The following FYB1 variants were observed in gnomAD, a reference collection of about 807,000 sequenced individuals.
The protein encoded by FYB1 is FYN binding protein 1, also known as FYN-binding protein 1.
In FYB1, 41 loss-of-function variants were observed where a neutral mutation model predicts 94.1. The observed-to-expected ratio is 0.44, with a 90% CI of 0.34 to 0.57. The LOEUF (loss-of-function observed/expected upper bound fraction) is 0.57, where lower values mean the gene tolerates loss of function less well. FYB1 is among the 20% of genes least tolerant of loss of function. The pLI is 0.02. For missense variants in FYB1, 1,050 were observed against 976.8 expected (o/e 1.07, Z -1.00); for synonymous variants, 367 against 353.2 (o/e 1.04, Z -0.44).
intron 2 of FYB1, among the ~76,000 whole-genome samples, chr5:39,183,223 T>C (rs1475237301): frequency 6.6e-6 from 1 of 152,086 alleles, no homozygotes; most frequent in Non-Finnish European, 1.5e-5. Context: ...CAACCTCAGG[T>C]GATCCACCTG....
At position 39,202,653 on chromosome 5, in the gene FYB1, G is replaced by A. The variant is rs375605914; in HGVS notation, c.308C>T (p.Pro103Leu). Reference protein sequence around the residue: ...GTPASLTTRDPEAKVGFLKPV... With the variant: ...GTPASLTTRDLEAKVGFLKPV... ...TTTCAGAAATCCCACTTTCGCCTCG[G>A]GGTCTCTGGTGGTCAAGCTGGCTGG... The change falls in exon 2 of 19, where the codon CCC becomes CTC. Residue 103 changes from proline to leucine, a missense_variant. Coordinates refer to ENST00000512982, the MANE Select transcript of FYB1 (RefSeq NM_001465.6). 5.0e-6 allele frequency: 8 copies of A among 1,613,754 alleles called. No homozygotes were observed. The Admixed American group carries it at 5.0e-5, about 10-fold the overall frequency.
intron 2 of FYB1, among the ~76,000 whole-genome samples, chr5:39,181,992 T>C (rs1363822953): frequency 2.0e-5 from 3 of 152,212 alleles, no homozygotes; most frequent in African/African-American, 4.8e-5. Context: ...CTAGAACTTA[T>C]TCATCTTGTG....
At chr5:39,214,161 T>C (rs1335117223) in intron 1 of FYB1, among the ~76,000 whole-genome samples, 3 of 152,052 alleles carry the variant, frequency 2.0e-5, no homozygotes, top group Non-Finnish European at 4.4e-5. Context: ...GAATTTTCTT[T>C]TAGTTAAAAA....
chr5:39,269,281 C>G (rs2111754529), intron 1 of FYB1, among the ~76,000 whole-genome samples: 1 of 151,304 alleles, frequency 6.6e-6, no homozygotes, highest in East Asian at 2.0e-4. Flanking sequence ...GATCTCCTGA[C>G]CTCGTGATCC....
intron 2 of FYB1, among the ~76,000 whole-genome samples, chr5:39,200,247 T>A (rs543570833): frequency 1.3e-5 from 2 of 152,300 alleles, no homozygotes; most frequent in Admixed American, 1.3e-4. Context: ...AATCAGACCT[T>A]GTCAGGCCTT....
At chr5:39,169,697 T>C in intron 2 of FYB1, 1 of 446,476 alleles carries the variant, frequency 2.2e-6, no homozygotes, top group South Asian at 1.8e-5. Context: ...GTACAAAAAT[T>C]AGCCGGGCCA....
intron 1 of FYB1, chr5:39,270,976 ACT>A (rs1752648985): frequency 5.8e-6 from 1 of 172,670 alleles, no homozygotes; most frequent in Non-Finnish European, 1.2e-5. Flanking sequence ...TCTATGAAAG[ACT>A]CACACCAAAA....
intron 3 of FYB1, among the ~76,000 whole-genome samples, chr5:39,144,469 G>T (rs912618621): frequency 1.3e-5 from 2 of 151,978 alleles, no homozygotes; most frequent in African/African-American, 4.8e-5. Flanking sequence ...AAATTGCAAA[G>T]AATTAAAAAA....
intron 16 of FYB1, among the ~76,000 whole-genome samples, chr5:39,112,147 G>A (rs1235853153): frequency 1.3e-5 from 2 of 151,946 alleles, no homozygotes; most frequent in African/African-American, 4.8e-5. Flanking sequence ...TTTTGTATCA[G>A]GGTTCTCATA....
At chr5:39,248,085 T>G (rs1751564758) in intron 1 of FYB1, among the ~76,000 whole-genome samples, 2 of 152,184 alleles carry the variant, frequency 1.3e-5, no homozygotes, top group East Asian at 1.9e-4. Context: ...GAGAGTCAGG[T>G]GGAAGCACTC....
chr5:39,125,783 C>G (rs1740607776), intron 12 of FYB1, among the ~76,000 whole-genome samples: 1 of 152,068 alleles, frequency 6.6e-6, no homozygotes, highest in South Asian at 2.1e-4. Flanking sequence ...TATCTTTGAA[C>G]TATATGATGA....
intron 1 of FYB1, among the ~76,000 whole-genome samples, chr5:39,218,676 G>C (rs1486624135): frequency 2.0e-5 from 3 of 152,148 alleles, no homozygotes; most frequent in African/African-American, 7.2e-5. Context: ...AGGTTAAGTG[G>C]CTCTCCCAAA....
chr5:39,183,851 G>T (rs113806066), intron 2 of FYB1, among the ~76,000 whole-genome samples: 5,938 of 152,230 alleles, frequency 0.039, 391 homozygotes, highest in African/African-American at 0.14. Context: ...CAGGAAGGGG[G>T]CTATGGTGGT....
upstream of FYB1, among the ~76,000 whole-genome samples, chr5:39,221,646 T>G (rs1750269603): frequency 6.6e-6 from 1 of 152,172 alleles, no homozygotes; most frequent in South Asian, 2.1e-4. Context: ...AACTGGAATT[T>G]GGGATTACTT....
intron 2 of FYB1, among the ~76,000 whole-genome samples, chr5:39,174,783 TTG>T (rs1379686807): frequency 6.6e-6 from 1 of 152,216 alleles, no homozygotes; most frequent in African/African-American, 2.4e-5. Context: ...CATCTTATTT[TTG>T]TTAGTGTTTT....
chr5:39,126,022 T>A lies in FYB1; in HGVS notation c.2021A>T (p.Asp674Val). 6.2e-7 allele frequency: 1 copy of A among 1,613,482 alleles called. No individual in the cohort carries two copies. The highest frequency in any genetic ancestry group is 8.5e-7 in the Non-Finnish European group (1 of 1,179,642). The change falls in exon 12 of 19, where the codon GAC becomes GTC. Residue 674 changes from aspartate to valine, a missense_variant. Asp to Val is a radical substitution (Grantham distance 152). Transcript: ENST00000512982. ...CGATGAACCTTCATTATTGTCTGAG[T>A]CAGAGACTTTAGGTTTCTCTCGTAT... ...KSIREKPKVS[D>V]SDNNEGSSFP...
At chr5:39,186,211 G>A (rs1369781956) in intron 2 of FYB1, among the ~76,000 whole-genome samples, 1 of 152,158 alleles carries the variant, frequency 6.6e-6, no homozygotes, top group Admixed American at 6.5e-5. Flanking sequence ...GGATCACCAG[G>A]TCAAGAGATC....
chr5:39,217,359 T>G (rs73072516), intron 1 of FYB1, among the ~76,000 whole-genome samples: 1,994 of 152,278 alleles, frequency 0.013, 38 homozygotes, highest in African/African-American at 0.043. Flanking sequence ...TCTGTCCAGG[T>G]TCACACAGTT....
At chr5:39,265,206 G>T (rs1237855982) in intron 1 of FYB1, among the ~76,000 whole-genome samples, 1 of 152,138 alleles carries the variant, frequency 6.6e-6, no homozygotes, top group Non-Finnish European at 1.5e-5. Flanking sequence ...GCCTGGCCAG[G>T]TGTGGTGGCT....
Sources: allele counts gnomAD v4.1 joint callset (sites outside exome capture counted in the v4.1 genomes callset), GRCh38; gene constraint gnomAD v4.1.1; transcripts MANE v1.5; gene names NCBI Gene and HGNC (gene_info 2026-07-23, HGNC 2026-07-21).